Variants in CUX1 observed in about 807,000 individuals in gnomAD.
CUX1 encodes the protein protein CASP.
CUX1 carries 31 observed loss-of-function variants against 158.8 expected under a neutral mutation model. The ratio of observed to expected loss-of-function variants is 0.20; its 90% CI spans 0.15 to 0.26. The LOEUF (loss-of-function observed/expected upper bound fraction) is 0.26. Ranked by LOEUF, CUX1 falls within the 10% of genes least tolerant of loss-of-function variation. CUX1 has a pLI of 1.00. For missense variants in CUX1, 1,589 were observed against 2,014.6 expected, an observed-to-expected ratio of 0.79 and a Z score of 4.04; for synonymous variants, 879 against 862.1, an observed-to-expected ratio of 1.02 and a Z score of -0.34.
At chr7:101,914,964 G>C (rs1488958597) in intron 1 of CUX1, among the ~76,000 whole-genome samples, 4 of 152,158 alleles carry the variant, frequency 2.6e-5, no homozygotes, top group East Asian at 1.9e-4. Context: ...CTGGGTGGTG[G>C]GGGGTGGAGA....
chr7:101,930,997 T>C (rs970595658), intron 2 of CUX1, among the ~76,000 whole-genome samples: 2 of 152,148 alleles, frequency 1.3e-5, no homozygotes, highest in African/African-American at 4.8e-5. Flanking sequence ...TTCAGGAGGC[T>C]GAGACGGAGA....
In CUX1 at chr7:102,248,748, G is replaced by GACCGCC. The variant is rs1801109899; in HGVS notation, c.4231_4236dup (p.Thr1411_Ala1412dup). 2 of 1,056,452 alleles carry GACCGCC rather than the reference G, an allele frequency of 1.9e-6. No individual in the cohort carries two copies. Among genetic ancestry groups the GACCGCC allele is most frequent in the Non-Finnish European group, 2.3e-6 (2 of 874,870 alleles). The allele number at this position is 1,056,452 out of a possible 1,614,324, so 65.4% of individuals were successfully genotyped here. ...GGCCCCTGCCCAGCCCCGCCTCCGC[G>GACCGCC]ACCGCCACCGCCGCGCCCGCGGCCC... On this transcript the variant is annotated inframe_insertion, in exon 24 of 24. Transcript: ENST00000292535. This position sits in a 1 kb window ranked among gnomAD's most constrained non-coding sequence, Gnocchi z 5.8.
Position 101,975,013 on chromosome 7 carries a change from C to T in CUX1, c.142-53085C>T, listed in dbSNP as rs184530124. Reference sequence around the variant, plus strand: ...CTCTAATCCCAGCACTTTGGGAGGCCGAGGTGGGTGGATCAACTGAGGTCA... The same window carrying T: ...CTCTAATCCCAGCACTTTGGGAGGCTGAGGTGGGTGGATCAACTGAGGTCA... On this transcript the variant is annotated intron_variant, in intron 2 of 23. Transcript: ENST00000292535. Among the ~76,000 whole-genome samples the T allele has an allele frequency of 2.0e-3, 310 of 151,850 alleles. 1 individual carries two copies. The highest frequency in any genetic ancestry group is 7.0e-3 in the African/African-American group (292 of 41,436).
At chr7:102,118,791 G>A (rs376003523) in intron 8 of CUX1, among the ~76,000 whole-genome samples, 3 of 152,118 alleles carry the variant, frequency 2.0e-5, no homozygotes, top group African/African-American at 4.8e-5. Flanking sequence ...TTGCTCTGTC[G>A]TCTAGGCTGG....
intron 5 of CUX1, among the ~76,000 whole-genome samples, chr7:102,102,866 C>T (rs113124210): frequency 2.7e-5 from 4 of 148,798 alleles, no homozygotes; most frequent in African/African-American, 7.7e-5. Flanking sequence ...GGAGGGCGCA[C>T]GTGGAGTTGT....
intron 2 of CUX1, among the ~76,000 whole-genome samples, chr7:101,973,825 G>A (rs1356160841): frequency 6.7e-6 from 1 of 149,182 alleles, no homozygotes; most frequent in Non-Finnish European, 1.5e-5. Flanking sequence ...CTGGAGTGCA[G>A]TGTCATGATC....
chr7:102,234,217 A>G lies in CUX1; in HGVS notation c.3599A>G (p.Asp1200Gly), dbSNP rs1190349187. ...NDPNNVEKLM[D>G]MKRMEKKAYM... ...CCCAACAATGTGGAGAAGCTGATGG[A>G]CATGAAACGGATGGAGAAGAAAGGT... Residue 1200 changes from aspartate (D) to glycine (G), a missense_variant, in exon 22 of 24, where the codon GAC becomes GGC. Around this residue, in one of 8 missense-constraint regions of CUX1, gnomAD observed 259 missense variants for 373.8 expected, o/e 0.69. Transcript: ENST00000292535. 11 of 1,568,636 alleles carry G rather than the reference A, an allele frequency of 7.0e-6. No individual in the cohort carries two copies. The highest frequency in any genetic ancestry group is 8.6e-6 in the Non-Finnish European group (10 of 1,159,124).
chr7:101,989,903 T>C (rs1420909047), intron 2 of CUX1, among the ~76,000 whole-genome samples: 1 of 152,222 alleles, frequency 6.6e-6, no homozygotes, highest in East Asian at 1.9e-4. Flanking sequence ...ACACGCTCGG[T>C]GTGGGCATCG....
intron 22 of CUX1, among the ~76,000 whole-genome samples, chr7:102,235,503 C>T (rs868945633): frequency 2.0e-5 from 3 of 152,088 alleles, no homozygotes; most frequent in Non-Finnish European, 2.9e-5. Flanking sequence ...GAGTTCAAGA[C>T]CAGCCTCAGC....
chr7:101,818,360 CTCTTG>C (rs1336821955), intron 1 of CUX1, among the ~76,000 whole-genome samples: 5 of 149,654 alleles, frequency 3.3e-5, no homozygotes, highest in South Asian at 2.1e-4. Flanking sequence ...TTATTTTTCT[CTCTTG>C]TCTTCCTAAA....
At position 102,201,331 on chromosome 7, in the gene CUX1, C is replaced by T. The variant is rs376297313; in HGVS notation, c.2063-29C>T. 3.7e-5 allele frequency: 60 copies of T among 1,601,062 alleles called. No homozygotes were observed. The African/African-American group carries it at 6.5e-4, about 17-fold the overall frequency. On this transcript the variant is annotated intron_variant, in intron 17 of 23. Coordinates refer to ENST00000292535, the MANE Select transcript of CUX1 (RefSeq NM_181552.4). This position sits in a 1 kb window ranked among gnomAD's most constrained non-coding sequence, Gnocchi z 5.0. ...CCCCAGCTGAAGGGGGCCGCCCTGC[C>T]ACACTCTCACCCCTGTTTCTCCATG...
At chr7:101,948,287 C>T (rs1194740117) in intron 2 of CUX1, among the ~76,000 whole-genome samples, 3 of 152,274 alleles carry the variant, frequency 2.0e-5, no homozygotes, top group Non-Finnish European at 4.4e-5. Context: ...TTGGCATTAT[C>T]ACGACAATTA....
intron 4 of CUX1, among the ~76,000 whole-genome samples, chr7:102,077,825 T>C (rs1233056613): frequency 2.6e-5 from 4 of 151,928 alleles, no homozygotes; most frequent in African/African-American, 9.7e-5. Flanking sequence ...GCATAATTCG[T>C]CAGTAATTAA....
intron 1 of CUX1, among the ~76,000 whole-genome samples, chr7:101,867,720 T>G (rs564247656): frequency 3.3e-5 from 5 of 152,336 alleles, no homozygotes; most frequent in Non-Finnish European, 5.9e-5. Flanking sequence ...CATCTCCATG[T>G]TAGAGAATTA....
intron 23 of CUX1, among the ~76,000 whole-genome samples, chr7:102,242,210 T>C (rs907421104): frequency 4.2e-5 from 6 of 143,716 alleles, no homozygotes; most frequent in Non-Finnish European, 4.6e-5. Context: ...TCTTTCTTTT[T>C]TTTTTTTTTT....
intron 2 of CUX1, among the ~76,000 whole-genome samples, chr7:101,938,140 T>A (rs1807173244): frequency 6.6e-6 from 1 of 150,858 alleles, no homozygotes; most frequent in Non-Finnish European, 1.5e-5. Context: ...TTTGAGACAG[T>A]CTCACTCTGT....
chr7:102,233,666 AGTCCCAG>A (rs1220732402), intron 21 of CUX1, among the ~76,000 whole-genome samples: 1 of 152,214 alleles, frequency 6.6e-6, no homozygotes, highest in Non-Finnish European at 1.5e-5. Context: ...GAGCACCTGT[AGTCCCAG>A]GTACTCTGGA....
intron 8 of CUX1, among the ~76,000 whole-genome samples, chr7:102,133,465 A>ATTT (rs1833546803): frequency 8.2e-6 from 1 of 122,368 alleles, no homozygotes; most frequent in Non-Finnish European, 1.7e-5. Flanking sequence ...AAAAAAATAC[A>ATTT]TCTTTTTTTT....
chr7:102,116,745 G>T (rs76664552), intron 8 of CUX1, among the ~76,000 whole-genome samples: 1 of 152,160 alleles, frequency 6.6e-6, no homozygotes, highest in Non-Finnish European at 1.5e-5. Context: ...TAGCTGAGAG[G>T]GCAGTGGCTC....
Sources: gnomAD v4.1 joint callset for allele counts (sites outside exome capture counted in the v4.1 genomes callset) on GRCh38, gnomAD v4.1.1 for gene constraint, gnomAD v4.1.1 regional missense constraint, Gnocchi (gnomAD v3.1) non-coding constraint, MANE v1.5 for transcripts, NCBI Gene and HGNC (gene_info 2026-07-23, HGNC 2026-07-21) for gene names.